JAZF1: variants seen among roughly 807,000 people sequenced by gnomAD.
JAZF1 encodes JAZF zinc finger 1.
A neutral mutation model predicts 26.4 loss-of-function variants in JAZF1; 8 were observed. That is an observed-to-expected ratio of 0.30 (90% CI 0.18 to 0.55). The LOEUF (loss-of-function observed/expected upper bound fraction) is 0.55, where lower values mean the gene tolerates loss of function less well. Ranked by LOEUF, JAZF1 falls within the 20% of genes least tolerant of loss-of-function variation. The pLI is 0.94. For synonymous variants in JAZF1, 126 were observed against 122.3 expected, an observed-to-expected ratio of 1.03 and a Z score of -0.20; for missense variants, 199 against 322.0, an observed-to-expected ratio of 0.62 and a Z score of 2.92.
chr7:27,979,808 C>T (rs973109555), intron 2 of JAZF1, among the ~76,000 whole-genome samples: 5 of 152,042 alleles, frequency 3.3e-5, no homozygotes, highest in Non-Finnish European at 7.4e-5. Flanking sequence ...TCTTTCCTAT[C>T]GATTGGAGAT....
chr7:27,956,273 C>T lies in JAZF1; in HGVS notation c.188+35636G>A, dbSNP rs566659576. On this transcript the variant is annotated intron_variant, in intron 2 of 4. Coordinates refer to ENST00000283928, the MANE Select transcript of JAZF1 (RefSeq NM_175061.4). Reference sequence around the variant, plus strand: ...AGCTATCATTTCCCCTTCACACTCTCGTGAGAGCAGTCAACTAGCCATATA... The same window carrying T: ...AGCTATCATTTCCCCTTCACACTCTTGTGAGAGCAGTCAACTAGCCATATA... 7.9e-5 allele frequency among the ~76,000 whole-genome samples: 12 copies of T among 152,280 alleles called. No individual in the cohort carries two copies. The South Asian group carries it at 8.3e-4, about 11-fold the overall frequency.
chr7:28,057,291 G>A (rs1175582505), intron 1 of JAZF1, among the ~76,000 whole-genome samples: 1 of 152,172 alleles, frequency 6.6e-6, no homozygotes, highest in Non-Finnish European at 1.5e-5. Flanking sequence ...ACCTCTATCT[G>A]TATGAGGTTT....
At chr7:28,000,622 C>CTTTCTTT (rs1279333326) in intron 1 of JAZF1, among the ~76,000 whole-genome samples, 3 of 62,066 alleles carry the variant, frequency 4.8e-5, no homozygotes, top group African/African-American at 1.2e-4. Context: ...TTCTTTCTTT[C>CTTTCTTT]TTTTTTTTTT....
At chr7:27,988,441 C>T (rs1016490481) in intron 2 of JAZF1, among the ~76,000 whole-genome samples, 1 of 150,472 alleles carries the variant, frequency 6.6e-6, no homozygotes. Flanking sequence ...GTGGTGCCAT[C>T]GTAGCTCACT....
intron 1 of JAZF1, among the ~76,000 whole-genome samples, chr7:28,074,670 A>C (rs1283434732): frequency 6.6e-6 from 1 of 152,242 alleles, no homozygotes; most frequent in Non-Finnish European, 1.5e-5. Context: ...GTTTATAAAA[A>C]TACTTTTATA....
intron 2 of JAZF1, among the ~76,000 whole-genome samples, chr7:27,940,135 C>T (rs148754854): frequency 4.0e-4 from 61 of 152,308 alleles, no homozygotes; most frequent in African/African-American, 1.1e-3. Flanking sequence ...CAGAGTGCTG[C>T]GCCAGCCCTG....
At chr7:28,009,048 G>A (rs74732944) in intron 1 of JAZF1, among the ~76,000 whole-genome samples, 6,555 of 152,172 alleles carry the variant, frequency 0.043, 506 homozygotes, top group African/African-American at 0.15. Flanking sequence ...AGAGAAGCTC[G>A]GGAGACCTCT....
chr7:27,988,920 TAAAAAAA>T (rs57661404), intron 2 of JAZF1, among the ~76,000 whole-genome samples: 2 of 83,768 alleles, frequency 2.4e-5, no homozygotes, highest in Admixed American at 1.4e-4. Context: ...AGAATCTCTG[TAAAAAAA>T]AAAAAAAAAA....
chr7:28,035,227 T>C (rs183269777), intron 1 of JAZF1, among the ~76,000 whole-genome samples: 102 of 144,998 alleles, frequency 7.0e-4, no homozygotes, highest in South Asian at 1.5e-3. Flanking sequence ...TGAGGCAGAA[T>C]TGCTTGAACC....
chr7:28,179,319 AG>A (rs908910372), intron 1 of JAZF1, among the ~76,000 whole-genome samples: 8 of 152,162 alleles, frequency 5.3e-5, no homozygotes, highest in Non-Finnish European at 7.3e-5. Flanking sequence ...GGTTCCGAAT[AG>A]AAGTGTGAAA....
chr7:28,123,782 C>T (rs1782642359), intron 1 of JAZF1, among the ~76,000 whole-genome samples: 1 of 152,170 alleles, frequency 6.6e-6, no homozygotes, highest in Admixed American at 6.5e-5. Context: ...ATGACTCTTA[C>T]TAAGGTCAGG....
At chr7:27,871,947 C>T (rs1426954371) in intron 3 of JAZF1, among the ~76,000 whole-genome samples, 5 of 152,260 alleles carry the variant, frequency 3.3e-5, no homozygotes, top group African/African-American at 9.6e-5. Context: ...CTCCGTTCAG[C>T]GGGGCTCACT....
At chr7:28,114,515 ATAGAT>A (rs745787678) in intron 1 of JAZF1, among the ~76,000 whole-genome samples, 5 of 151,586 alleles carry the variant, frequency 3.3e-5, no homozygotes, top group Non-Finnish European at 5.9e-5. Flanking sequence ...TCCTCAATAT[ATAGAT>A]TAGACAAACA....
chr7:28,088,733 C>T (rs1382241208), intron 1 of JAZF1, among the ~76,000 whole-genome samples: 2 of 152,190 alleles, frequency 1.3e-5, no homozygotes, highest in Non-Finnish European at 2.9e-5. Context: ...TTTTCACCTG[C>T]CAAACCACCA....
intron 1 of JAZF1, among the ~76,000 whole-genome samples, chr7:28,056,864 C>G (rs1441932150): frequency 2.0e-5 from 3 of 152,176 alleles, no homozygotes; most frequent in African/African-American, 7.2e-5. Context: ...ACCCACGCAT[C>G]TCTTAAACTG....
chr7:27,905,784 G>A (rs1271605487), intron 2 of JAZF1, among the ~76,000 whole-genome samples: 1 of 152,016 alleles, frequency 6.6e-6, no homozygotes, highest in Non-Finnish European at 1.5e-5. Context: ...TATAGGAAGA[G>A]CATAATCTTG....
intron 3 of JAZF1, among the ~76,000 whole-genome samples, chr7:27,852,046 C>T (rs1783161130): frequency 6.6e-6 from 1 of 151,620 alleles, no homozygotes; most frequent in South Asian, 2.1e-4. Flanking sequence ...GCAGTCAGTA[C>T]AAGATGATTC....
At chr7:27,842,074 AGGCAT>A (rs1194502864) in intron 3 of JAZF1, 5 of 152,160 alleles carry the variant, frequency 3.3e-5, no homozygotes, top group Non-Finnish European at 5.9e-5. Flanking sequence ...TCATTTTAAT[AGGCAT>A]TAATAAGATT....
At chr7:28,110,492 GGAAAGGAAAGGAAAA>G (rs1359702178) in intron 1 of JAZF1, among the ~76,000 whole-genome samples, 1 of 34,392 alleles carries the variant, frequency 2.9e-5, no homozygotes, top group African/African-American at 7.5e-5. Context: ...GGAAAGGAAA[GGAAAGGAAAGGAAAA>G]GGAAAGGAAA....
Sources: gnomAD v4.1 joint callset for allele counts (sites outside exome capture counted in the v4.1 genomes callset) on GRCh38, gnomAD v4.1.1 for gene constraint, MANE v1.5 for transcripts, NCBI Gene and HGNC (gene_info 2026-07-23, HGNC 2026-07-21) for gene names.